The following ANTXR1 variants were observed in gnomAD, a reference collection of about 807,000 sequenced individuals.
ANTXR1 encodes the protein anthrax toxin receptor 1.
ANTXR1 carries 19 observed loss-of-function variants against 78.1 expected under a neutral mutation model. The observed-to-expected ratio is 0.24, with a 90% CI of 0.17 to 0.36. The LOEUF is 0.36. Ranked by LOEUF, ANTXR1 falls within the 10% of genes least tolerant of loss-of-function variation. ANTXR1 has a pLI of 1.00. For synonymous variants in ANTXR1, 273 were observed against 260.5 expected (o/e 1.05, Z -0.46); for missense variants, 518 against 718.6 (o/e 0.72, Z 3.19).
chr2:69,117,591 T>C (rs1283751263), intron 10 of ANTXR1, among the ~76,000 whole-genome samples: 1 of 152,240 alleles, frequency 6.6e-6, no homozygotes, highest in Non-Finnish European at 1.5e-5. Context: ...AGTGATATCA[T>C]TAAGCAATCA....
intron 9 of ANTXR1, among the ~76,000 whole-genome samples, chr2:69,092,741 AG>A (rs2104288657): frequency 6.6e-6 from 1 of 152,332 alleles, no homozygotes; most frequent in East Asian, 1.9e-4. Flanking sequence ...GGGCTTCATA[AG>A]GGGCCTGTGC....
chr2:69,145,723 C>T, intron 12 of ANTXR1: 6 of 1,070,962 alleles, frequency 5.6e-6, no homozygotes, highest in African/African-American at 1.7e-5. Context: ...CCACTAATTC[C>T]TCTCCATTCT....
At chr2:69,083,325 G>T (rs1232687528) in intron 8 of ANTXR1, among the ~76,000 whole-genome samples, 2 of 152,232 alleles carry the variant, frequency 1.3e-5, no homozygotes, top group African/African-American at 2.4e-5. Flanking sequence ...CATTTCAGCA[G>T]CAGCAGCTCT....
At chr2:69,222,350 A>T (rs1675339741) in intron 17 of ANTXR1, among the ~76,000 whole-genome samples, 1 of 152,180 alleles carries the variant, frequency 6.6e-6, no homozygotes, top group African/African-American at 2.4e-5. Context: ...AGTGAAAAAC[A>T]TTGAGAGCTT....
intron 17 of ANTXR1, among the ~76,000 whole-genome samples, chr2:69,195,125 A>G (rs369608867): frequency 1.3e-5 from 2 of 151,000 alleles, no homozygotes; most frequent in African/African-American, 4.9e-5. Context: ...TGGAAATTGC[A>G]CCACTGCACT....
chr2:69,125,734 A>G (rs760600575), intron 12 of ANTXR1, among the ~76,000 whole-genome samples: 10 of 152,104 alleles, frequency 6.6e-5, no homozygotes, highest in Non-Finnish European at 1.0e-4. Flanking sequence ...CTAGCTACTC[A>G]GGAGGCTGAG....
At chr2:69,142,841 G>A (rs1294394546) in intron 12 of ANTXR1, among the ~76,000 whole-genome samples, 1 of 152,172 alleles carries the variant, frequency 6.6e-6, no homozygotes, top group Non-Finnish European at 1.5e-5. Flanking sequence ...AGGGGGAGGT[G>A]CTGGAGAGAT....
intron 3 of ANTXR1, among the ~76,000 whole-genome samples, chr2:69,066,750 C>T (rs1012178080): frequency 6.6e-6 from 1 of 152,198 alleles, no homozygotes; most frequent in Non-Finnish European, 1.5e-5. Context: ...TGACAATCAC[C>T]TGCTTGAGGT....
Position 69,245,304 on chromosome 2 carries a change from C to T in ANTXR1, c.1514C>T (p.Ser505Leu), listed in dbSNP as rs750311689. ...YPLNNAYHTS[S>L]PPPAPIYTPP... ...CTCAACAACGCCTACCACACCTCCT[C>T]GCCGCCTCCTGCCCCCATCTACACT... Residue 505 changes from serine to leucine, a missense_variant, in exon 18 of 18, where the codon TCG (serine) becomes TTG (leucine). By Grantham distance (145) the Ser-to-Leu change is moderately radical (BLOSUM62 -2). This residue lies in a region of ANTXR1 where 192 missense variants were observed against 230.2 expected (regional missense o/e 0.83). Coordinates refer to ENST00000303714, the MANE Select transcript of ANTXR1 (RefSeq NM_032208.3). The T allele has an allele frequency of 1.2e-5, 20 of 1,612,196 alleles. No individual in the cohort carries two copies. In the East Asian group the frequency reaches 3.1e-4, roughly 25 times the overall value.
chr2:69,187,797 G>T (rs112386686), intron 16 of ANTXR1, among the ~76,000 whole-genome samples: 4,444 of 151,048 alleles, frequency 0.029, 198 homozygotes, highest in African/African-American at 0.1. Flanking sequence ...CATCATGTTG[G>T]CCAGGATGAT....
chr2:69,225,388 A>G (rs4854558), intron 17 of ANTXR1, among the ~76,000 whole-genome samples: 148,343 of 152,342 alleles, frequency 0.97, 72,249 homozygotes, highest in East Asian at 1. Context: ...GCCAAAGTGG[A>G]AGGATCGCTT....
intron 12 of ANTXR1, among the ~76,000 whole-genome samples, chr2:69,144,083 C>T (rs1405716453): frequency 6.6e-6 from 1 of 152,184 alleles, no homozygotes; most frequent in African/African-American, 2.4e-5. Flanking sequence ...CATGCTTTGC[C>T]AGTTTTGTCT....
chr2:69,171,570 T>G (rs940824454), intron 14 of ANTXR1, among the ~76,000 whole-genome samples: 1 of 152,234 alleles, frequency 6.6e-6, no homozygotes, highest in South Asian at 2.1e-4. Flanking sequence ...CCCTCCCTTG[T>G]TGTGTTCAGT....
chr2:69,065,422 C>G, intron 3 of ANTXR1, among the ~76,000 whole-genome samples: 1 of 65,932 alleles, frequency 1.5e-5, no homozygotes, highest in South Asian at 5.6e-4. Flanking sequence ...AAGACTCCGT[C>G]TCAAAAAAAA....
In ANTXR1 at chr2:69,152,363, G is replaced by T. The variant is rs903899275; in HGVS notation, c.1047+99G>T. The T allele has an allele frequency of 8.9e-6, 11 of 1,233,010 alleles. No homozygotes were observed. The East Asian group carries it at 2.6e-4, about 29-fold the overall frequency. The allele number at this position is 1,233,010 out of a possible 1,614,324, so 76.4% of individuals were successfully genotyped here. ...GGGATTTTTAAAAAACTAAAGATGG[G>T]AGACAAATCTTGCATTTTTTATACA... On this transcript the variant is annotated intron_variant, in intron 13 of 17. Coordinates refer to ENST00000303714, the MANE Select transcript of ANTXR1 (RefSeq NM_032208.3).
At chr2:69,145,330 TC>T (rs1285409311) in intron 12 of ANTXR1, 1 of 1,595,156 alleles carries the variant, frequency 6.3e-7, no homozygotes, top group East Asian at 2.3e-5. Context: ...TTAAAGAGCC[TC>T]CACAAAATTG....
At position 69,013,322 on chromosome 2, in the gene ANTXR1, G is replaced by T. The variant is rs1670919528; in HGVS notation, c.-178G>T. 3.7e-6 allele frequency: 3 copies of T among 817,994 alleles called. No homozygotes were observed. The highest frequency in any genetic ancestry group is 1.7e-5 in the African/African-American group (1 of 59,148). The allele number at this position is 817,994 out of a possible 1,614,324, so 50.7% of individuals were successfully genotyped here. A position where few individuals can be genotyped will look rare whatever the true frequency, so the allele number is the denominator to read the frequency against. On this transcript the variant is annotated 5_prime_UTR_variant, in exon 1 of 18. Transcript: ENST00000303714. The surrounding 1 kb of genome is among the most constrained non-coding windows in gnomAD (Gnocchi z 5.0). Reference sequence around the variant, plus strand: ...CGAAACCCAGAAACAGCATCGGAGCGGAAACCAGAGGGGAAACCTTGAACT... The same window carrying T: ...CGAAACCCAGAAACAGCATCGGAGCTGAAACCAGAGGGGAAACCTTGAACT...
intron 12 of ANTXR1, among the ~76,000 whole-genome samples, chr2:69,138,529 A>G (rs1370720271): frequency 6.6e-6 from 1 of 152,220 alleles, no homozygotes; most frequent in African/African-American, 2.4e-5. Flanking sequence ...AGGTCCCATG[A>G]GGGTATATAA....
chr2:69,189,706 T>C (rs991003101), intron 16 of ANTXR1, among the ~76,000 whole-genome samples: 1 of 152,116 alleles, frequency 6.6e-6, no homozygotes, highest in Non-Finnish European at 1.5e-5. Flanking sequence ...CGAGACACGG[T>C]TGATGTTGGA....
Sources: allele counts gnomAD v4.1 joint callset (sites outside exome capture counted in the v4.1 genomes callset), GRCh38; gene constraint gnomAD v4.1.1; regional missense constraint gnomAD v4.1.1; non-coding constraint Gnocchi (gnomAD v3.1); transcripts MANE v1.5; gene names NCBI Gene and HGNC (gene_info 2026-07-23, HGNC 2026-07-21).